XPNPEP1: variants seen among roughly 807,000 people sequenced by gnomAD.
XPNPEP1 encodes the protein X-prolyl aminopeptidase 1.
XPNPEP1 carries 39 observed loss-of-function variants against 92.4 expected under a neutral mutation model. The observed-to-expected ratio is 0.42, with a 90% CI of 0.33 to 0.55. The LOEUF (loss-of-function observed/expected upper bound fraction) is 0.55. Ranked by LOEUF, XPNPEP1 falls within the 20% of genes least tolerant of loss-of-function variation. XPNPEP1 has a pLI of 0.08. For synonymous variants in XPNPEP1, 307 were observed against 299.4 expected (o/e 1.03, Z -0.26); for missense variants, 654 against 856.1 (o/e 0.76, Z 2.95).
At position 109,871,152 on chromosome 10, in the gene XPNPEP1, A is replaced by G. The variant is rs113476372; in HGVS notation, c.1523-248T>C. 3.0e-3 allele frequency: 1,181 copies of G among 389,774 alleles called. 9 individuals carry two copies. Among genetic ancestry groups the G allele is most frequent in the African/African-American group, 0.022 (1,066 of 48,938 alleles). 24.1% of individuals were successfully genotyped at this position (389,774 alleles called of 1,614,324 possible). A position where few individuals can be genotyped will look rare whatever the true frequency, so the allele number is the denominator to read the frequency against. On this transcript the variant is annotated intron_variant, in intron 17 of 20. Coordinates refer to ENST00000502935, the MANE Select transcript of XPNPEP1 (RefSeq NM_020383.4). The stretch of plus-strand genomic sequence containing the variant: ...GCGGGGATAGACACCTACAGCACAC[A>G]GAGGCCGTATCAGACATGGACGTTC...
intron 7 of XPNPEP1, among the ~76,000 whole-genome samples, chr10:109,887,463 C>T (rs1450426077): frequency 6.6e-6 from 1 of 152,194 alleles, no homozygotes; most frequent in Non-Finnish European, 1.5e-5. Context: ...CAGCCATCCC[C>T]CATCTACCTC....
intron 2 of XPNPEP1, among the ~76,000 whole-genome samples, chr10:109,911,463 G>A (rs1249075954): frequency 6.6e-6 from 1 of 152,140 alleles, no homozygotes; most frequent in Non-Finnish European, 1.5e-5. Context: ...CAGAGAAAAA[G>A]GGATCGGAAG....
In XPNPEP1 at chr10:109,888,603, G is replaced by A. The variant is rs934487395; in HGVS notation, c.416-8C>T. 2 of 1,588,886 alleles carry A rather than the reference G, an allele frequency of 1.3e-6. No individual in the cohort carries two copies. Among genetic ancestry groups the A allele is most frequent in the South Asian group, 1.1e-5 (1 of 87,314 alleles). ...TTGGTGTGTCCTTCAGACCTACAGG[G>A]GGAAGAAATGATAAGAAACAATTCC... On this transcript the variant is annotated splice_region_variant and splice_polypyrimidine_tract_variant and intron_variant, in intron 5 of 20. Coordinates refer to ENST00000502935, the MANE Select transcript of XPNPEP1 (RefSeq NM_020383.4).
rs1310838386 is a variant in XPNPEP1 at position 109,888,038 on chromosome 10, T to C, written c.652+11A>G. The C allele has an allele frequency of 3.7e-6, 6 of 1,613,426 alleles. No homozygotes were observed. The highest frequency in any genetic ancestry group is 4.2e-6 in the Non-Finnish European group (5 of 1,179,848). On this transcript the variant is annotated intron_variant, in intron 7 of 20. Coordinates refer to ENST00000502935, the MANE Select transcript of XPNPEP1 (RefSeq NM_020383.4). ...GCAGGGGCCCTGCTGGGCAGAACCA[T>C]TGATTCTGACCTGTGTAATCCAGGC... is the stretch of plus-strand genomic sequence containing the variant.
At chr10:109,921,375 G>T (rs1406862397) in intron 1 of XPNPEP1, among the ~76,000 whole-genome samples, 1 of 152,134 alleles carries the variant, frequency 6.6e-6, no homozygotes, top group Non-Finnish European at 1.5e-5. Flanking sequence ...TCAACTTCAT[G>T]ATGAGCCACA....
At chr10:109,876,942 G>C (rs984065014) in intron 14 of XPNPEP1, 3 of 152,266 alleles carry the variant, frequency 2.0e-5, no homozygotes, top group African/African-American at 7.2e-5. Flanking sequence ...TCGGCCCTGT[G>C]GGTCCATGGG....
At chr10:109,914,388 C>T (rs762153574) in intron 2 of XPNPEP1, among the ~76,000 whole-genome samples, 1 of 152,020 alleles carries the variant, frequency 6.6e-6, no homozygotes, top group Non-Finnish European at 1.5e-5. Context: ...AAATAGAGAA[C>T]ATTTTCCATA....
chr10:109,900,819 G>C (rs188601453), intron 3 of XPNPEP1, among the ~76,000 whole-genome samples: 79 of 152,246 alleles, frequency 5.2e-4, no homozygotes, highest in African/African-American at 1.9e-3. Context: ...TTCATGGATG[G>C]TCTTAACCAG....
intron 3 of XPNPEP1, among the ~76,000 whole-genome samples, chr10:109,897,208 T>C (rs1849035259): frequency 6.6e-6 from 1 of 152,108 alleles, no homozygotes; most frequent in East Asian, 1.9e-4. Flanking sequence ...TTTTTAAATG[T>C]TGGCATCTAA....
rs758171703 is a variant in XPNPEP1 at position 109,870,843 on chromosome 10, G to A, written c.1584C>T (p.His528=). The part of the protein sequence containing the change: ...ALWDSGLDYL[H]GTGHGVGSFL... ...AAGACCCAACACCATGTCCAGTCCC[G>A]TGCAAGTAATCTAGGCCTGAATCCC... Residue 528 remains histidine, a synonymous_variant, in exon 18 of 21, where the codon CAC becomes CAT. Transcript: ENST00000502935. 29 of 1,613,970 alleles carry A rather than the reference G, an allele frequency of 1.8e-5. No homozygotes were observed. Among genetic ancestry groups the A allele is most frequent in the South Asian group, 1.6e-4 (15 of 91,066 alleles).
At chr10:109,906,214 G>A (rs1187627981) in intron 3 of XPNPEP1, among the ~76,000 whole-genome samples, 4 of 152,022 alleles carry the variant, frequency 2.6e-5, no homozygotes, top group East Asian at 3.8e-4. Flanking sequence ...ACACGCACAC[G>A]TGCACACACA....
At chr10:109,911,178 A>G (rs1694427094) in intron 2 of XPNPEP1, among the ~76,000 whole-genome samples, 1 of 152,252 alleles carries the variant, frequency 6.6e-6, no homozygotes, top group Admixed American at 6.5e-5. Context: ...CTCAGAAGAG[A>G]GAAGTACTCA....
chr10:109,897,539 TG>T (rs1564776902), intron 3 of XPNPEP1, among the ~76,000 whole-genome samples: 1 of 152,180 alleles, frequency 6.6e-6, no homozygotes, highest in East Asian at 1.9e-4. Flanking sequence ...ACAGCAGCCC[TG>T]GAAGGTATCA....
intron 1 of XPNPEP1, among the ~76,000 whole-genome samples, chr10:109,918,930 A>G (rs1202504532): frequency 6.6e-6 from 1 of 151,696 alleles, no homozygotes; most frequent in Non-Finnish European, 1.5e-5. Context: ...GAGAGAAAAA[A>G]GAAAAAGAAC....
At chr10:109,903,215 C>T (rs1481499159) in intron 3 of XPNPEP1, among the ~76,000 whole-genome samples, 5 of 152,300 alleles carry the variant, frequency 3.3e-5, no homozygotes, top group African/African-American at 1.2e-4. Context: ...CCAACACACC[C>T]TTAACCAGAA....
At chr10:109,916,599 C>T (rs1320121803) in intron 1 of XPNPEP1, among the ~76,000 whole-genome samples, 2 of 152,202 alleles carry the variant, frequency 1.3e-5, no homozygotes, top group Admixed American at 1.3e-4. Flanking sequence ...TCTAGGCCTG[C>T]TTTCATATGG....
At chr10:109,914,495 C>T (rs1185007304) in intron 2 of XPNPEP1, among the ~76,000 whole-genome samples, 1 of 151,978 alleles carries the variant, frequency 6.6e-6, no homozygotes, top group African/African-American at 2.4e-5. Context: ...TAACTTACTA[C>T]CTTAAAAAAA....
chr10:109,900,243 C>T (rs1849210497), intron 3 of XPNPEP1, among the ~76,000 whole-genome samples: 2 of 152,128 alleles, frequency 1.3e-5, no homozygotes, highest in Non-Finnish European at 2.9e-5. Flanking sequence ...ACTTCTCCAA[C>T]ACCCTCCCCT....
At chr10:109,892,906 G>A in intron 4 of XPNPEP1, 106 bp downstream of exon 4, 1 of 1,134,404 alleles carries the variant, frequency 8.8e-7, no homozygotes, top group Non-Finnish European at 1.3e-6. Context: ...GGAGCATCTG[G>A]TTTGCATTTT....
Sources: allele counts gnomAD v4.1 joint callset (sites outside exome capture counted in the v4.1 genomes callset), GRCh38; gene constraint gnomAD v4.1.1; transcripts MANE v1.5; gene names NCBI Gene and HGNC (gene_info 2026-07-23, HGNC 2026-07-21).